Variants in LMO3 observed in about 807,000 individuals in gnomAD.
LMO3 encodes LIM domain only 3, also known as LIM domain only protein 3.
LMO3 carries 2 observed loss-of-function variants against 15.8 expected under a neutral mutation model. The observed-to-expected ratio is 0.13, with a 90% CI of 0.05 to 0.40. LMO3 has a LOEUF of 0.40. Among genes scored for constraint, LMO3 ranks in the 10% least tolerant of loss-of-function variants. The pLI is 0.99. For missense variants in LMO3, 86 were observed against 182.2 expected (o/e 0.47, Z 3.04); for synonymous variants, 62 against 63.8 (o/e 0.97, Z 0.13).
In LMO3 at chr12:16,599,031, A is replaced by T. The variant is rs1943742729; in HGVS notation, c.206+1624T>A. On this transcript the variant is annotated intron_variant, in intron 2 of 3. Transcript: ENST00000537304. This position sits in a 1 kb window ranked among gnomAD's most constrained non-coding sequence, Gnocchi z 4.1. The stretch of plus-strand genomic sequence containing the variant: ...AAAAGCTATGACTATTGGTTAGTAC[A>T]GATAAAGCAAAACTAAAAAGCAGTA... 1 of 176,890 alleles carries T rather than the reference A, an allele frequency of 5.7e-6. No individual in the cohort carries two copies. The highest frequency in any genetic ancestry group is 2.4e-5 in the African/African-American group (1 of 42,168). The allele number at this position is 176,890 out of a possible 1,614,324, so 11.0% of individuals were successfully genotyped here.
At chr12:16,563,639 A>G (rs1942483222) in intron 2 of LMO3, among the ~76,000 whole-genome samples, 1 of 152,158 alleles carries the variant, frequency 6.6e-6, no homozygotes, top group African/African-American at 2.4e-5. Flanking sequence ...GTTATCATAG[A>G]TCCACTTTTC....
rs1943414133 is a variant in LMO3, at chr12:16,589,172, T to C, written c.206+11483A>G. 6.6e-6 allele frequency among the ~76,000 whole-genome samples: 1 copy of C among 152,110 alleles called. No homozygotes were observed. The highest frequency in any genetic ancestry group is 1.5e-5 in the Non-Finnish European group (1 of 67,998). On this transcript the variant is annotated intron_variant, in intron 2 of 3. Coordinates refer to ENST00000537304, the MANE Select transcript of LMO3 (RefSeq NM_018640.5). This position sits in a 1 kb window ranked among gnomAD's most constrained non-coding sequence, Gnocchi z 4.2. ...CCCAGTTTGGAAGATTTTAGGGAAG[T>C]GACAAGAACTCATGTAACTTTTTAT...
In LMO3 at chr12:16,604,666, G is replaced by A. The variant is rs1943930450; in HGVS notation, c.-9+1400C>T. 2 of 616,540 alleles carry A rather than the reference G, an allele frequency of 3.2e-6. No homozygotes were observed. 38.2% of individuals were successfully genotyped at this position (616,540 alleles called of 1,614,324 possible). A position where few individuals can be genotyped will look rare whatever the true frequency, so the allele number is the denominator to read the frequency against. On this transcript the variant is annotated intron_variant, in intron 1 of 3. Coordinates refer to ENST00000537304, the MANE Select transcript of LMO3 (RefSeq NM_018640.5). The surrounding 1 kb of genome is among the most constrained non-coding windows in gnomAD (Gnocchi z 5.3). ...TGTGTCTTTGCAGCCACACAGGGAT[G>A]GTTTGCAAAGAATGTAGCAGTATTT... is the stretch of plus-strand genomic sequence containing the variant.
chr12:16,596,722 T>C lies in LMO3; in HGVS notation c.206+3933A>G, dbSNP rs527777629. ...CTGATTATGCACTGGCTGGCTACTTTATTCATATTTTTTCAAACTGAAATA... is the reference window on the plus strand; with the variant it reads ...CTGATTATGCACTGGCTGGCTACTTCATTCATATTTTTTCAAACTGAAATA... On this transcript the variant is annotated intron_variant, in intron 2 of 3. Coordinates refer to ENST00000537304, the MANE Select transcript of LMO3 (RefSeq NM_018640.5). This position sits in a 1 kb window ranked among gnomAD's most constrained non-coding sequence, Gnocchi z 4.3. Among the ~76,000 whole-genome samples the C allele has an allele frequency of 5.3e-5, 8 of 151,854 alleles. No homozygotes were observed. Among genetic ancestry groups the C allele is most frequent in the Admixed American group, 5.3e-4 (8 of 15,228 alleles).
chr12:16,582,986 G>A lies in LMO3; in HGVS notation c.206+17669C>T, dbSNP rs1407130627. Among the ~76,000 whole-genome samples, 1 of 146,640 alleles carries A rather than the reference G, an allele frequency of 6.8e-6. No individual in the cohort carries two copies. ...CTCTTGAAGCTGGGAGGCAGAGGTT[G>A]TAGTGAGCTGAGATCACTCCACTGC... On this transcript the variant is annotated intron_variant, in intron 2 of 3. Transcript: ENST00000537304. The surrounding 1 kb of genome is among the most constrained non-coding windows in gnomAD (Gnocchi z 4.1).
At chr12:16,552,477 T>C (rs1942026244) in intron 3 of LMO3, among the ~76,000 whole-genome samples, 1 of 152,060 alleles carries the variant, frequency 6.6e-6, no homozygotes. Flanking sequence ...GTTGGACTGA[T>C]TTACATTTGC....
intron 2 of LMO3, among the ~76,000 whole-genome samples, chr12:16,574,257 T>A (rs1350863632): frequency 6.6e-6 from 1 of 152,148 alleles, no homozygotes; most frequent in African/African-American, 2.4e-5. Flanking sequence ...GTATAAACGA[T>A]GACTCTTTAA....
At position 16,593,686 on chromosome 12, in the gene LMO3, T is replaced by C. The variant is rs1232389470; in HGVS notation, c.206+6969A>G. On this transcript the variant is annotated intron_variant, in intron 2 of 3. Transcript: ENST00000537304. This position sits in a 1 kb window ranked among gnomAD's most constrained non-coding sequence, Gnocchi z 4.2. Reference sequence around the variant, plus strand: ...ACGTTTGGCTTCTATAATAAGAGGATATGCTTAGGTCCTAATTCCTTTAGA... The same window carrying C: ...ACGTTTGGCTTCTATAATAAGAGGACATGCTTAGGTCCTAATTCCTTTAGA... 6.6e-6 allele frequency among the ~76,000 whole-genome samples: 1 copy of C among 151,742 alleles called. No individual in the cohort carries two copies. The highest frequency in any genetic ancestry group is 1.5e-5 in the Non-Finnish European group (1 of 67,740).
Position 16,591,818 on chromosome 12 carries a change from A to C in LMO3, c.206+8837T>G, listed in dbSNP as rs186813844. ...CTCAAAGCTCAGCTTTCATAAGAGGACCACTGGCTTATGAAATAATTTTTA... is the reference window on the plus strand; with the variant it reads ...CTCAAAGCTCAGCTTTCATAAGAGGCCCACTGGCTTATGAAATAATTTTTA... On this transcript the variant is annotated intron_variant, in intron 2 of 3. Transcript: ENST00000537304. This position sits in a 1 kb window ranked among gnomAD's most constrained non-coding sequence, Gnocchi z 4.1. Among the ~76,000 whole-genome samples the C allele has an allele frequency of 1.9e-3, 284 of 152,186 alleles. 3 individuals are homozygous for C. The highest frequency in any genetic ancestry group is 5.9e-3 in the Admixed American group (90 of 15,260).
Position 16,591,259 on chromosome 12 carries a change from G to A in LMO3, c.206+9396C>T, listed in dbSNP as rs962622158. 1.3e-5 allele frequency among the ~76,000 whole-genome samples: 2 copies of A among 151,658 alleles called. No homozygotes were observed. The highest frequency in any genetic ancestry group is 4.2e-4 in the South Asian group (2 of 4,806). On this transcript the variant is annotated intron_variant, in intron 2 of 3. Coordinates refer to ENST00000537304, the MANE Select transcript of LMO3 (RefSeq NM_018640.5). This position sits in a 1 kb window ranked among gnomAD's most constrained non-coding sequence, Gnocchi z 4.1. ...CATATGAGAAAAACTCCCACCTCAG[G>A]GCCTTTGTACTGGATGTTCCTGAGC...
rs969512505 is a variant in LMO3 at position 16,587,453 on chromosome 12, A to T, written c.206+13202T>A. On this transcript the variant is annotated intron_variant, in intron 2 of 3. Transcript: ENST00000537304. This position sits in a 1 kb window ranked among gnomAD's most constrained non-coding sequence, Gnocchi z 4.3. ...TACAGACTAGAGAGCAAGGAATTCA[A>T]GTTCGATTTTTTTTTCTTTTACTTT... 1.3e-5 allele frequency among the ~76,000 whole-genome samples: 2 copies of T among 152,148 alleles called. No individual in the cohort carries two copies. The highest frequency in any genetic ancestry group is 4.8e-5 in the African/African-American group (2 of 41,440).
At position 16,550,387 on chromosome 12, in the gene LMO3, A is replaced by T. The variant is rs1337824970; in HGVS notation, c.*835T>A. 1 of 152,422 alleles carries T rather than the reference A, an allele frequency of 6.6e-6. No individual in the cohort carries two copies. The allele number at this position is 152,422 out of a possible 1,614,324, so 9.4% of individuals were successfully genotyped here. A position where few individuals can be genotyped will look rare whatever the true frequency, so the allele number is the denominator to read the frequency against. ...ATTTTACGTGATACCCAAAGGCACT[A>T]GTTCACATAAGGGGTGTGGCTGAAA... is the stretch of plus-strand genomic sequence containing the variant. On this transcript the variant is annotated 3_prime_UTR_variant, in exon 4 of 4. Transcript: ENST00000537304.
intron 2 of LMO3, among the ~76,000 whole-genome samples, chr12:16,580,966 C>T (rs1480040164): frequency 6.6e-6 from 1 of 152,082 alleles, no homozygotes; most frequent in Non-Finnish European, 1.5e-5. Flanking sequence ...TTCAGTCATC[C>T]CTCAAGTTTA....
intron 2 of LMO3, among the ~76,000 whole-genome samples, chr12:16,577,639 A>G (rs926182756): frequency 2.6e-5 from 4 of 152,160 alleles, no homozygotes; most frequent in Non-Finnish European, 5.9e-5. Flanking sequence ...AAGAATAATA[A>G]CAAACAAACA....
At chr12:16,595,127 C>A (rs1476523193) in intron 2 of LMO3, among the ~76,000 whole-genome samples, 1 of 151,296 alleles carries the variant, frequency 6.6e-6, no homozygotes, top group African/African-American at 2.4e-5. Context: ...TAAAAACTAT[C>A]CTGACTGAAG....
chr12:16,556,554 G>A (rs1942197074), intron 3 of LMO3, among the ~76,000 whole-genome samples: 1 of 152,122 alleles, frequency 6.6e-6, no homozygotes, highest in Non-Finnish European at 1.5e-5. Flanking sequence ...TCACAAACGC[G>A]TAATTCCACA....
In LMO3 at chr12:16,603,004, A is replaced by T. The variant is rs1943873404; in HGVS notation, c.-8-2136T>A. Reference sequence around the variant, plus strand: ...AAGATGAAAAATCGAAAAAAAAAAAAATCCCAGTAGCAGCTAAGTTATATT... The same window carrying T: ...AAGATGAAAAATCGAAAAAAAAAAATATCCCAGTAGCAGCTAAGTTATATT... On this transcript the variant is annotated intron_variant, in intron 1 of 3. Transcript: ENST00000537304. The surrounding 1 kb of genome is among the most constrained non-coding windows in gnomAD (Gnocchi z 4.9). 6.6e-6 allele frequency among the ~76,000 whole-genome samples: 1 copy of T among 152,064 alleles called. No homozygotes were observed. The highest frequency in any genetic ancestry group is 6.6e-5 in the Admixed American group (1 of 15,260).
intron 2 of LMO3, among the ~76,000 whole-genome samples, chr12:16,571,141 T>C (rs1292624409): frequency 6.6e-6 from 1 of 152,120 alleles, no homozygotes; most frequent in Non-Finnish European, 1.5e-5. Flanking sequence ...TGTTTTCTTT[T>C]AAGGTAAGTA....
chr12:16,559,242 C>T lies in LMO3; in HGVS notation c.332+1171G>A, dbSNP rs987636386. On this transcript the variant is annotated intron_variant, in intron 3 of 3. Coordinates refer to ENST00000537304, the MANE Select transcript of LMO3 (RefSeq NM_018640.5). The surrounding 1 kb of genome is among the most constrained non-coding windows in gnomAD (Gnocchi z 4.1). Reference sequence around the variant, plus strand: ...TTTTTGAAATGTTGTATTTTTAATACGTACATTTTAATGTTCTAAAATCCT... The same window carrying T: ...TTTTTGAAATGTTGTATTTTTAATATGTACATTTTAATGTTCTAAAATCCT... 3.9e-5 allele frequency among the ~76,000 whole-genome samples: 6 copies of T among 152,074 alleles called. No individual in the cohort carries two copies. Among genetic ancestry groups the T allele is most frequent in the African/African-American group, 7.2e-5 (3 of 41,426 alleles).
Sources: allele counts gnomAD v4.1 joint callset (sites outside exome capture counted in the v4.1 genomes callset), GRCh38; gene constraint gnomAD v4.1.1; non-coding constraint Gnocchi (gnomAD v3.1); transcripts MANE v1.5; gene names NCBI Gene and HGNC (gene_info 2026-07-23, HGNC 2026-07-21).